CERS5: variants seen among roughly 807,000 people sequenced by gnomAD.
The protein encoded by CERS5 is LAG1 homolog, ceramide synthase 5.
A neutral mutation model predicts 58.9 loss-of-function variants in CERS5; 37 were observed. The observed-to-expected ratio is 0.63, with a 90% CI of 0.48 to 0.83. CERS5 has a LOEUF of 0.83. CERS5 is among the 40% of genes least tolerant of loss of function. CERS5 has a pLI of 0.00. For missense variants in CERS5, 398 were observed against 489.3 expected (o/e 0.81, Z 1.76); for synonymous variants, 147 against 177.8 (o/e 0.83, Z 1.38).
In CERS5 at chr12:50,138,612, A is replaced by T. The variant is rs767745267; in HGVS notation, c.498T>A (p.Pro166=). The stretch of plus-strand genomic sequence containing the variant: ...AGCACTGTCGGATGTCCCAGAACCA[A>T]GGTGACTAAGAGAAAACAGATAATC... ...CYGIRFLWSS[P]WFWDIRQCWH... is the part of the protein sequence containing the mutation. Residue 166 remains proline (P), a synonymous_variant, in exon 5 of 10, where the codon CCT becomes CCA. Transcript: ENST00000317551. 1 of 1,613,408 alleles carries T rather than the reference A, an allele frequency of 6.2e-7. No homozygotes were observed. Among genetic ancestry groups the T allele is most frequent in the Non-Finnish European group, 8.5e-7 (1 of 1,179,410 alleles).
Position 50,135,939 on chromosome 12 carries a change from A to G in CERS5, c.765+2T>C, listed in dbSNP as rs1357292156. 1 of 1,546,648 alleles carries G rather than the reference A, an allele frequency of 6.5e-7. No individual in the cohort carries two copies. Among genetic ancestry groups the G allele is most frequent in the Non-Finnish European group, 8.7e-7 (1 of 1,152,310 alleles). On this transcript the variant is annotated splice_donor_variant, in intron 7 of 9. Transcript: ENST00000317551. LOFTEE classifies it high-confidence loss of function. Reference sequence around the variant, plus strand: ...ATGGAGAAAGAGAGATTGGGTTTTTACCTCCAGCAAGAAGTCTGAGACATC... The same window carrying G: ...ATGGAGAAAGAGAGATTGGGTTTTTGCCTCCAGCAAGAAGTCTGAGACATC...
chr12:50,156,198 G>A (rs531428063), intron 1 of CERS5, among the ~76,000 whole-genome samples: 4 of 149,818 alleles, frequency 2.7e-5, no homozygotes, highest in African/African-American at 4.9e-5. Flanking sequence ...TCAGGAGATC[G>A]AGACCATCCT....
chr12:50,134,842 C>T, intron 8 of CERS5, 140 bp from the exon 9 acceptor site: 1 of 700,024 alleles, frequency 1.4e-6, no homozygotes, highest in Non-Finnish European at 2.4e-6. Context: ...CCGTCATCCA[C>T]AGTAAGAAAA....
rs753809478 is a variant in CERS5, at chr12:50,135,800, G to C, written c.804C>G (p.Leu268=). The change falls in exon 8 of 10, where the codon CTC becomes CTG. Residue 268 remains leucine (L), a synonymous_variant. Transcript: ENST00000317551. ...KLANYAKYQR[L]CDTLFVIFSA... is the part of the protein sequence containing the mutation. ...TGAAGATCACAAAAAGGGTGTCACAGAGCCGCTGATACTTGGCATAATTGG... is the reference window on the plus strand; with the variant it reads ...TGAAGATCACAAAAAGGGTGTCACACAGCCGCTGATACTTGGCATAATTGG... 4 of 1,614,168 alleles carry C rather than the reference G, an allele frequency of 2.5e-6. No homozygotes were observed. In the South Asian group the frequency reaches 3.3e-5, roughly 13 times the overall value.
At chr12:50,155,460 G>C (rs1938460827) in intron 1 of CERS5, among the ~76,000 whole-genome samples, 1 of 151,880 alleles carries the variant, frequency 6.6e-6, no homozygotes, top group African/African-American at 2.4e-5. Flanking sequence ...AAAATTGCCA[G>C]GCACGGTGAC....
At chr12:50,138,674 T>C (rs1012012818) in intron 4 of CERS5, 57 bp from the exon 5 acceptor site, 14 of 1,447,902 alleles carry the variant, frequency 9.7e-6, no homozygotes, top group Non-Finnish European at 1.3e-5. Context: ...GGCTTCAAGA[T>C]CTACCTCATA....
intron 9 of CERS5, among the ~76,000 whole-genome samples, 162 bp from the exon 10 acceptor site, chr12:50,130,856 G>A (rs1436113806): frequency 1.3e-5 from 2 of 152,184 alleles, no homozygotes; most frequent in Non-Finnish European, 2.9e-5. Context: ...TTGTGACTAT[G>A]CTTTACCTGC....
At position 50,143,224 on chromosome 12, in the gene CERS5, G is replaced by T; in HGVS notation, c.304-20C>A. ...AGGATACTGTGAATGTATAACCAGA[G>T]TCAGAACACCCGTCTCCTCATACCC... On this transcript the variant is annotated intron_variant, in intron 2 of 9. Transcript: ENST00000317551. The T allele has an allele frequency of 6.2e-7, 1 of 1,613,622 alleles. No individual in the cohort carries two copies. The highest frequency in any genetic ancestry group is 8.5e-7 in the Non-Finnish European group (1 of 1,179,768).
At chr12:50,136,733 C>T (rs1282709048) in intron 6 of CERS5, among the ~76,000 whole-genome samples, 3 of 152,120 alleles carry the variant, frequency 2.0e-5, no homozygotes, top group African/African-American at 4.8e-5. Context: ...ATGAGAGAAA[C>T]GTCAACCACA....
At chr12:50,136,655 G>C (rs1046307634) in intron 6 of CERS5, among the ~76,000 whole-genome samples, 1 of 152,070 alleles carries the variant, frequency 6.6e-6, no homozygotes, top group Non-Finnish European at 1.5e-5. Flanking sequence ...GCTGACACTT[G>C]GGGATAACAT....
chr12:50,155,839 C>T (rs1489518418), intron 1 of CERS5, among the ~76,000 whole-genome samples: 3 of 150,068 alleles, frequency 2.0e-5, no homozygotes, highest in Admixed American at 6.7e-5. Flanking sequence ...TGGTGGCTCA[C>T]GCCTGTAATC....
At chr12:50,163,755 C>A (rs1939565182) in intron 1 of CERS5, among the ~76,000 whole-genome samples, 1 of 152,148 alleles carries the variant, frequency 6.6e-6, no homozygotes, top group Non-Finnish European at 1.5e-5. Flanking sequence ...AAGCAATCCT[C>A]CTGCCTCAGC....
At chr12:50,160,335 GA>G (rs1939145428) in intron 1 of CERS5, among the ~76,000 whole-genome samples, 1 of 148,962 alleles carries the variant, frequency 6.7e-6, no homozygotes. Context: ...AAAAAGAAAA[GA>G]AAAAAGGAAA....
chr12:50,158,257 T>C (rs1282719954), intron 1 of CERS5, among the ~76,000 whole-genome samples: 1 of 152,106 alleles, frequency 6.6e-6, no homozygotes, highest in Non-Finnish European at 1.5e-5. Context: ...CTTTTTTCAA[T>C]GGATAATTAT....
chr12:50,157,785 G>A (rs999569981), intron 1 of CERS5, among the ~76,000 whole-genome samples: 2 of 152,086 alleles, frequency 1.3e-5, no homozygotes, highest in Admixed American at 6.6e-5. Context: ...ATAATCTACT[G>A]TAGGCCAGGC....
At chr12:50,159,937 AAAC>A (rs1255209269) in intron 1 of CERS5, among the ~76,000 whole-genome samples, 1 of 152,156 alleles carries the variant, frequency 6.6e-6, no homozygotes, top group Non-Finnish European at 1.5e-5. Flanking sequence ...AGTGAAAAAG[AAAC>A]AAGTGAAATT....
Position 50,167,290 on chromosome 12 carries a change from G to C in CERS5, c.8C>G (p.Thr3Arg). The C allele has an allele frequency of 6.5e-7, 1 of 1,528,774 alleles. No homozygotes were observed. Among genetic ancestry groups the C allele is most frequent in the Non-Finnish European group, 8.7e-7 (1 of 1,146,284 alleles). 94.7% of individuals were successfully genotyped at this position (1,528,774 alleles called of 1,614,324 possible). A position where few individuals can be genotyped will look rare whatever the true frequency, so the allele number is the denominator to read the frequency against. The change falls in exon 1 of 10, where the codon ACA becomes AGA. Residue 3 changes from threonine to arginine, a missense_variant. Around this residue, in one of 3 missense-constraint regions of CERS5, gnomAD observed 328 missense variants for 384.5 expected, o/e 0.85. Coordinates refer to ENST00000317551, the MANE Select transcript of CERS5 (RefSeq NM_147190.5). MA[T>R]AAQGPLSLLW... Reference sequence around the variant, plus strand: ...CAAGCTTAGGGGTCCCTGCGCTGCTGTCGCCATCTTACGCCCACCCCGAAG... The same window carrying C: ...CAAGCTTAGGGGTCCCTGCGCTGCTCTCGCCATCTTACGCCCACCCCGAAG...
chr12:50,166,385 T>C (rs1939900285), intron 1 of CERS5: 1 of 160,030 alleles, frequency 6.2e-6, no homozygotes, highest in South Asian at 1.6e-4. Context: ...TGTCCTCTGA[T>C]AAAGCCCTGT....
intron 2 of CERS5, 160 bp downstream of exon 2, chr12:50,143,792 C>T (rs2138100152): frequency 1.8e-6 from 1 of 553,006 alleles, no homozygotes; most frequent in East Asian, 2.8e-5. Flanking sequence ...AAGGTTTTCC[C>T]TGAGGGGATA....
Sources: allele counts gnomAD v4.1 joint callset (sites outside exome capture counted in the v4.1 genomes callset), GRCh38; gene constraint gnomAD v4.1.1; regional missense constraint gnomAD v4.1.1; transcripts MANE v1.5; gene names NCBI Gene and HGNC (gene_info 2026-07-23, HGNC 2026-07-21).